OPRK1: variants seen among roughly 807,000 people sequenced by gnomAD.
The protein encoded by OPRK1 is opioid receptor kappa 1, also known as kappa-type opioid receptor.
A neutral mutation model predicts 24.5 loss-of-function variants in OPRK1; 15 were observed. That is an observed-to-expected ratio of 0.61 (90% CI 0.41 to 0.94). OPRK1 has a LOEUF of 0.94. Among genes scored for constraint, OPRK1 ranks in the 40% least tolerant of loss-of-function variants. The pLI is 0.00. For missense variants in OPRK1, 479 were observed against 507.3 expected (o/e 0.94, Z 0.54); for synonymous variants, 205 against 198.0 (o/e 1.04, Z -0.30).
chr8:53,233,107 T>C (rs1029088979), intron 3 of OPRK1, among the ~76,000 whole-genome samples: 2 of 152,248 alleles, frequency 1.3e-5, no homozygotes, highest in Non-Finnish European at 2.9e-5. Context: ...ACACCTGCTA[T>C]GGCTATGCTA....
intron 3 of OPRK1, among the ~76,000 whole-genome samples, chr8:53,232,274 T>C (rs1482304645): frequency 6.6e-6 from 1 of 151,392 alleles, no homozygotes; most frequent in Non-Finnish European, 1.5e-5. Flanking sequence ...TATACAGGGG[T>C]TGGTTAATGC....
intron 2 of OPRK1, chr8:53,238,376 G>T: frequency 4.3e-6 from 1 of 234,398 alleles, no homozygotes; most frequent in Non-Finnish European, 7.0e-6. Context: ...GCACTTTTGA[G>T]CATACACACC....
chr8:53,238,531 G>A, intron 2 of OPRK1: 8 of 985,578 alleles, frequency 8.1e-6, no homozygotes, highest in Non-Finnish European at 9.6e-6. Flanking sequence ...GGGAACTTGA[G>A]TTGTGAGCAC....
rs779758855 is a variant in OPRK1, at chr8:53,229,341, G to T, written c.1099C>A (p.Pro367Thr). ...CCATCGATGTCCCTCAGGTAAGCAG[G>T]ATCCTGAACTGTATTTCGGACTCTG... ...TSRVRNTVQDPAYLRDIDGMN... is the reference protein window; with the variant it reads ...TSRVRNTVQDTAYLRDIDGMN... The change falls in exon 4 of 4, where the codon CCT becomes ACT. Residue 367 changes from proline to threonine, a missense_variant. Pro to Thr is a conservative substitution (Grantham distance 38). Transcript: ENST00000265572. 18 of 1,614,162 alleles carry T rather than the reference G, an allele frequency of 1.1e-5. No individual in the cohort carries two copies. The highest frequency in any genetic ancestry group is 1.4e-5 in the Non-Finnish European group (17 of 1,180,020).
chr8:53,240,957 T>C (rs1807099352), intron 2 of OPRK1, among the ~76,000 whole-genome samples: 2 of 152,146 alleles, frequency 1.3e-5, no homozygotes, highest in Non-Finnish European at 2.9e-5. Context: ...GTTTAATATA[T>C]GTAATTTTTA....
At position 53,229,720 on chromosome 8, in the gene OPRK1, G is replaced by A. The variant is rs577750534; in HGVS notation, c.720C>T (p.Leu240=). 6.2e-7 allele frequency: 1 copy of A among 1,614,118 alleles called. No individual in the cohort carries two copies. Among genetic ancestry groups the A allele is most frequent in the East Asian group, 2.2e-5 (1 of 44,874 alleles). ...TCAGGGTGTAGCAGACGATGATGAT[G>A]AGGACAGGGATCACGAAGGCAAAGA... ...VFIFAFVIPV[L]IIIVCYTLMI... is the part of the protein sequence containing the mutation. The change falls in exon 4 of 4, where the codon CTC becomes CTT. Residue 240 remains leucine, a synonymous_variant. Transcript: ENST00000265572.
At chr8:53,250,624 C>G (rs1335253448) in intron 2 of OPRK1, among the ~76,000 whole-genome samples, 157 bp downstream of exon 2, 3 of 152,218 alleles carry the variant, frequency 2.0e-5, no homozygotes, top group Admixed American at 6.5e-5. Flanking sequence ...AATCCTTCAC[C>G]TCTTCTAGGA....
chr8:53,246,088 G>T (rs957537594), intron 2 of OPRK1, among the ~76,000 whole-genome samples: 3 of 152,212 alleles, frequency 2.0e-5, no homozygotes, highest in East Asian at 3.9e-4. Context: ...GGACAGAAGA[G>T]AGCTGAGAAG....
intron 2 of OPRK1, among the ~76,000 whole-genome samples, chr8:53,245,572 A>C (rs1807209428): frequency 6.6e-6 from 1 of 152,228 alleles, no homozygotes; most frequent in Non-Finnish European, 1.5e-5. Flanking sequence ...TGAGCCATTT[A>C]GAAGGAAGGA....
chr8:53,248,896 C>G (rs1325910614), intron 2 of OPRK1, among the ~76,000 whole-genome samples: 1 of 152,180 alleles, frequency 6.6e-6, no homozygotes, highest in Non-Finnish European at 1.5e-5. Context: ...TGTATGTGAA[C>G]TATCCAACTT....
intron 2 of OPRK1, among the ~76,000 whole-genome samples, chr8:53,249,594 G>A (rs1279157920): frequency 1.3e-5 from 2 of 152,056 alleles, no homozygotes; most frequent in East Asian, 1.9e-4. Context: ...TTTAATGTCA[G>A]AGCATACATA....
In OPRK1 at chr8:53,250,866, TG is replaced by T; in HGVS notation, c.171del (p.Ile58SerfsTer11). 6.2e-7 allele frequency: 1 copy of T among 1,613,342 alleles called. No homozygotes were observed. ...AQLEPAHISP[A>X]IPVIITAVYS... ...TAGACCGCCGTGATGATGACCGGGA[TG>T]GCCGGGGAGATGTGCGCGGGCTCCA... On this transcript the variant is annotated frameshift_variant, in exon 2 of 4. Coordinates refer to ENST00000265572, the MANE Select transcript of OPRK1 (RefSeq NM_000912.5). LOFTEE classifies it high-confidence loss of function.
At chr8:53,246,823 G>T (rs543968068) in intron 2 of OPRK1, among the ~76,000 whole-genome samples, 12 of 152,266 alleles carry the variant, frequency 7.9e-5, no homozygotes, top group African/African-American at 2.4e-4. Flanking sequence ...ACCATGAAGA[G>T]AATATGATCA....
rs193018670 is a variant in OPRK1, at chr8:53,229,101, C to G, written c.*196G>C. 1.7e-6 allele frequency: 1 copy of G among 589,222 alleles called. No homozygotes were observed. The highest frequency in any genetic ancestry group is 2.9e-6 in the Non-Finnish European group (1 of 343,300). 36.5% of individuals were successfully genotyped at this position (589,222 alleles called of 1,614,324 possible). A position where few individuals can be genotyped will look rare whatever the true frequency, so the allele number is the denominator to read the frequency against. ...CCCTAGAGAAGAGGTGCATGTGTTGCGTGGACCTTTTGTCCTTGATGTTTC... is the reference window on the plus strand; with the variant it reads ...CCCTAGAGAAGAGGTGCATGTGTTGGGTGGACCTTTTGTCCTTGATGTTTC... On this transcript the variant is annotated 3_prime_UTR_variant, in exon 4 of 4. Coordinates refer to ENST00000265572, the MANE Select transcript of OPRK1 (RefSeq NM_000912.5).
intron 2 of OPRK1, among the ~76,000 whole-genome samples, chr8:53,239,915 T>C (rs1367504952): frequency 6.6e-6 from 1 of 152,200 alleles, no homozygotes; most frequent in African/African-American, 2.4e-5. Flanking sequence ...ATGTAATAAG[T>C]AAAGGAACTC....
rs201981295 is a variant in OPRK1, at chr8:53,235,018, C to G, written c.351G>C (p.Thr117=). 6.2e-7 allele frequency: 1 copy of G among 1,614,012 alleles called. No homozygotes were observed. The highest frequency in any genetic ancestry group is 1.3e-5 in the African/African-American group (1 of 74,914). The change falls in exon 3 of 4, where the codon ACG becomes ACC. Residue 117 remains threonine, a synonymous_variant. Coordinates refer to ENST00000265572, the MANE Select transcript of OPRK1 (RefSeq NM_000912.5). ...LVTTTMPFQS[T]VYLMNSWPFG... ...AAGGCCAGGAATTCATCAAGTAGAC[C>G]GTACTCTGAAAGGGCATGGTTGTAG...
chr8:53,240,540 T>C (rs1807090228), intron 2 of OPRK1, among the ~76,000 whole-genome samples: 1 of 152,080 alleles, frequency 6.6e-6, no homozygotes, highest in African/African-American at 2.4e-5. Context: ...GAAAATGCAG[T>C]CCTTCTTCAC....
rs751416416 is a variant in OPRK1, at chr8:53,250,920, C to T, written c.118G>A (p.Gly40Ser). 2 of 1,612,198 alleles carry T rather than the reference C, an allele frequency of 1.2e-6. No individual in the cohort carries two copies. Among genetic ancestry groups the T allele is most frequent in the Admixed American group, 1.7e-5 (1 of 59,946 alleles). The change falls in exon 2 of 4, where the codon GGC becomes AGC. Residue 40 changes from glycine to serine, a missense_variant. Gly to Ser is a moderately conservative substitution (Grantham distance 56). Coordinates refer to ENST00000265572, the MANE Select transcript of OPRK1 (RefSeq NM_000912.5). ...FPGWAEPDSNGSAGSEDAQLE... is the reference protein window; with the variant it reads ...FPGWAEPDSNSSAGSEDAQLE... ...TGCGCGTCCTCCGAGCCGGCGCTGC[C>T]GTTGCTGTCGGGCTCGGCCCAGCCG...
At position 53,226,014 on chromosome 8, in the gene OPRK1, A is replaced by T. The variant is rs1301207282; in HGVS notation, c.*3283T>A. 6.6e-6 allele frequency: 1 copy of T among 152,162 alleles called. No homozygotes were observed. Among genetic ancestry groups the T allele is most frequent in the Non-Finnish European group, 1.5e-5 (1 of 68,028 alleles). The allele number at this position is 152,162 out of a possible 1,614,324, so 9.4% of individuals were successfully genotyped here. A position where few individuals can be genotyped will look rare whatever the true frequency, so the allele number is the denominator to read the frequency against. ...ACAGCTTTCACTTTACAATGTTCCA[A>T]TTTAAAGTCAGCCAGTGTGCTCCCT... is the stretch of plus-strand genomic sequence containing the variant. On this transcript the variant is annotated 3_prime_UTR_variant, in exon 4 of 4. Transcript: ENST00000265572.
Sources: gnomAD v4.1 joint callset for allele counts (sites outside exome capture counted in the v4.1 genomes callset) on GRCh38, gnomAD v4.1.1 for gene constraint, MANE v1.5 for transcripts, NCBI Gene and HGNC (gene_info 2026-07-23, HGNC 2026-07-21) for gene names.